Variants in SHISA9 observed in about 807,000 individuals in gnomAD.
SHISA9 encodes protein shisa-9.
SHISA9 carries 13 observed loss-of-function variants against 38.0 expected under a neutral mutation model. The ratio of observed to expected loss-of-function variants is 0.34; its 90% CI spans 0.22 to 0.54. The LOEUF is 0.54. SHISA9 is among the 20% of genes least tolerant of loss of function. The pLI, the probability that SHISA9 is intolerant of heterozygous loss-of-function variation, is 0.91. For missense variants in SHISA9, 538 were observed against 575.8 expected (o/e 0.93, Z 0.67); for synonymous variants, 275 against 242.0 (o/e 1.14, Z -1.27).
intron 2 of SHISA9, among the ~76,000 whole-genome samples, chr16:12,996,189 A>G (rs2072455071): frequency 6.6e-6 from 1 of 152,332 alleles, no homozygotes; most frequent in South Asian, 2.1e-4. Context: ...TCTGGCAGAT[A>G]TGTTTGATTT....
the SHISA9 span, among the ~76,000 whole-genome samples, chr16:13,398,593 C>G: frequency 5.9e-5 from 9 of 152,004 alleles, no homozygotes; most frequent in South Asian, 1.0e-3. Context: ...CTCCGCCCCC[C>G]ACCCCACCTC....
intron 3 of SHISA9, among the ~76,000 whole-genome samples, chr16:13,210,393 G>A (rs757593336): frequency 6.6e-6 from 1 of 152,056 alleles, no homozygotes; most frequent in Non-Finnish European, 1.5e-5. Flanking sequence ...GGATGTACCA[G>A]CATCATTGAT....
chr16:13,502,797 A>G, the SHISA9 span, among the ~76,000 whole-genome samples: 2 of 152,288 alleles, frequency 1.3e-5, no homozygotes, highest in East Asian at 3.9e-4. Context: ...GAATTGCTTG[A>G]ACCCAGAAGG....
the SHISA9 span, among the ~76,000 whole-genome samples, chr16:13,487,737 G>A: frequency 6.6e-6 from 1 of 152,106 alleles, no homozygotes; most frequent in Admixed American, 6.5e-5. Context: ...ATACTATACT[G>A]CATTGTTTTT....
chr16:12,974,371 C>T lies in SHISA9; in HGVS notation c.691+57556C>T, dbSNP rs117058081. 5.2e-3 allele frequency among the ~76,000 whole-genome samples: 785 copies of T among 151,162 alleles called. 4 individuals are homozygous for T. Among genetic ancestry groups the T allele is most frequent in the South Asian group, 0.018 (84 of 4,788 alleles). ...CAAAGAAGGAGGCATGGAAACCAGG[C>T]GGGCAAAAATGACCAAGACTCCCTA... is the stretch of plus-strand genomic sequence containing the variant. On this transcript the variant is annotated intron_variant, in intron 2 of 4. Coordinates refer to ENST00000558583, the MANE Select transcript of SHISA9 (RefSeq NM_001145204.3).
the SHISA9 span, among the ~76,000 whole-genome samples, chr16:13,379,741 C>A: frequency 6.6e-6 from 1 of 152,134 alleles, no homozygotes; most frequent in African/African-American, 2.4e-5. Flanking sequence ...TCCTCTTCTT[C>A]TGTTATCAAA....
chr16:12,908,607 T>C, intron 1 of SHISA9: 1 of 1,551,542 alleles, frequency 6.4e-7, no homozygotes, highest in Non-Finnish European at 8.7e-7. Context: ...GCCGCTAGGC[T>C]GCACTGCGTT....
At chr16:13,487,676 C>A in the SHISA9 span, among the ~76,000 whole-genome samples, 3 of 152,198 alleles carry the variant, frequency 2.0e-5, no homozygotes, top group Non-Finnish European at 2.9e-5. Context: ...TACTTTAAAT[C>A]ATCTCTAGAT....
At position 13,235,311 on chromosome 16, in the gene SHISA9, G is replaced by A. The variant is rs766670444; in HGVS notation, c.1177G>A (p.Glu393Lys). 18 of 1,550,114 alleles carry A rather than the reference G, an allele frequency of 1.2e-5. No homozygotes were observed. Among genetic ancestry groups the A allele is most frequent in the East Asian group, 4.9e-5 (2 of 40,916 alleles). The change falls in exon 5 of 5, where the codon GAG becomes AAG. Residue 393 changes from glutamate to lysine, a missense_variant. Transcript: ENST00000558583. ...CAACAAGGGCAAGCTTGGCACGGCC[G>A]AGACAGGCTCCAGCGACCCCTTGGG... ...YSNKGKLGTAETGSSDPLGTR... is the reference protein window; with the variant it reads ...YSNKGKLGTAKTGSSDPLGTR...
intron 2 of SHISA9, among the ~76,000 whole-genome samples, chr16:13,124,975 G>C (rs888898748): frequency 5.3e-5 from 8 of 152,070 alleles, no homozygotes; most frequent in African/African-American, 1.7e-4. Flanking sequence ...AATCAAAATG[G>C]ATTAAAGACT....
chr16:13,213,350 G>A (rs1317082398), intron 4 of SHISA9, 50 bp downstream of exon 4: 16 of 1,515,878 alleles, frequency 1.1e-5, no homozygotes, highest in Non-Finnish European at 1.4e-5. Context: ...GTCAAAGTTA[G>A]CATTAAATAA....
At chr16:13,499,353 A>G in the SHISA9 span, among the ~76,000 whole-genome samples, 1 of 152,240 alleles carries the variant, frequency 6.6e-6, no homozygotes, top group Non-Finnish European at 1.5e-5. Flanking sequence ...AGGGTGGAAT[A>G]GTATGCAGAT....
chr16:13,247,164 C>G, the SHISA9 span, among the ~76,000 whole-genome samples: 1 of 152,054 alleles, frequency 6.6e-6, no homozygotes, highest in African/African-American at 2.4e-5. Flanking sequence ...AAATGCCACA[C>G]TTGTAAACCA....
At chr16:13,409,019 G>C in the SHISA9 span, among the ~76,000 whole-genome samples, 2 of 151,910 alleles carry the variant, frequency 1.3e-5, no homozygotes, top group Non-Finnish European at 2.9e-5. Context: ...TCCTGTACCC[G>C]TATAAACCCT....
At chr16:13,015,903 T>TTTCTTTCTTTCC (rs2072746360) in intron 2 of SHISA9, among the ~76,000 whole-genome samples, 1 of 116,244 alleles carries the variant, frequency 8.6e-6, no homozygotes, top group Admixed American at 9.2e-5. Flanking sequence ...TCTTTCTTTC[T>TTTCTTTCTTTCC]TTCTTTTCTT....
chr16:13,300,421 G>A, the SHISA9 span, among the ~76,000 whole-genome samples: 1 of 152,040 alleles, frequency 6.6e-6, no homozygotes, highest in Admixed American at 6.6e-5. Flanking sequence ...AGAAAAATCG[G>A]AGAGGTGCAT....
chr16:12,975,791 T>C (rs2072153649), intron 2 of SHISA9, among the ~76,000 whole-genome samples: 1 of 151,888 alleles, frequency 6.6e-6, no homozygotes, highest in Non-Finnish European at 1.5e-5. Context: ...TTTGGAAAGA[T>C]TCTTGGTCAT....
chr16:13,183,581 C>T (rs185137351), intron 2 of SHISA9, among the ~76,000 whole-genome samples: 188 of 152,310 alleles, frequency 1.2e-3, no homozygotes, highest in African/African-American at 4.2e-3. Context: ...TTCAAGAAAC[C>T]GTCCCTGAAT....
intron 2 of SHISA9, among the ~76,000 whole-genome samples, chr16:13,082,781 G>A: frequency 6.6e-6 from 1 of 152,100 alleles, no homozygotes; most frequent in South Asian, 2.1e-4. Context: ...TGTGTGGGTG[G>A]GGGGCTGAAG....
Sources: gnomAD v4.1 joint callset for allele counts (sites outside exome capture counted in the v4.1 genomes callset) on GRCh38, gnomAD v4.1.1 for gene constraint, MANE v1.5 for transcripts, NCBI Gene and HGNC (gene_info 2026-07-23, HGNC 2026-07-21) for gene names.